CBX1: variants seen among roughly 807,000 people sequenced by gnomAD.
CBX1 encodes chromobox protein homolog 1.
Under a neutral mutation model 25.1 loss-of-function variants are expected in CBX1, and 10 were observed. The ratio of observed to expected loss-of-function variants is 0.40; its 90% confidence interval spans 0.25 to 0.68. The LOEUF is 0.68. CBX1 is among the 30% of genes least tolerant of loss of function. The pLI is 0.40. For missense variants in CBX1, 106 were observed against 218.5 expected, an observed-to-expected ratio of 0.49 and a Z score of 3.25; for synonymous variants, 63 against 79.4, an observed-to-expected ratio of 0.79 and a Z score of 1.10.
rs1194143235 is a variant in CBX1, at chr17:48,070,091, T to G, written c.*1344A>C. ...TCTATAGTTTTATTAAGACAAAAAC[T>G]GACAATGTAGTATGAAGTTTACATT... On this transcript the variant is annotated 3_prime_UTR_variant, in exon 5 of 5. Coordinates refer to ENST00000225603, the MANE Select transcript of CBX1 (RefSeq NM_001127228.2). 3 of 152,652 alleles carry G rather than the reference T, an allele frequency of 2.0e-5. No homozygotes were observed. The highest frequency in any genetic ancestry group is 4.4e-5 in the Non-Finnish European group (3 of 68,050). 9.5% of individuals were successfully genotyped at this position (152,652 alleles called of 1,614,324 possible). A position where few individuals can be genotyped will look rare whatever the true frequency, so the allele number is the denominator to read the frequency against.
chr17:48,073,164 T>C (rs1422589566), intron 4 of CBX1, among the ~76,000 whole-genome samples: 1 of 151,810 alleles, frequency 6.6e-6, no homozygotes, highest in Non-Finnish European at 1.5e-5. Context: ...TTATTAGGAA[T>C]GTCCTAGACA....
intron 1 of CBX1, among the ~76,000 whole-genome samples, chr17:48,085,793 C>T (rs553974076): frequency 3.9e-5 from 6 of 152,216 alleles, no homozygotes; most frequent in South Asian, 4.2e-4. Flanking sequence ...AGGCCAGGCG[C>T]GGTGGCTCAC....
chr17:48,099,956 C>G (rs1040226319), intron 1 of CBX1, among the ~76,000 whole-genome samples: 3 of 151,546 alleles, frequency 2.0e-5, no homozygotes, highest in African/African-American at 7.3e-5. Flanking sequence ...GTGACCAGTA[C>G]GGTGAAACCC....
chr17:48,096,265 T>A (rs980005220), intron 1 of CBX1: 7 of 701,072 alleles, frequency 1.0e-5, no homozygotes, highest in Non-Finnish European at 1.2e-5. Flanking sequence ...ATTTTGAATT[T>A]TATCTGAGAT....
At chr17:48,095,118 C>T (rs2063366854) in intron 1 of CBX1, among the ~76,000 whole-genome samples, 1 of 152,068 alleles carries the variant, frequency 6.6e-6, no homozygotes, top group South Asian at 2.1e-4. Context: ...CCTATCCATT[C>T]TTCAAGACCC....
At chr17:48,082,501 C>CAAAAAAAAAAAAA (rs572999255) in intron 1 of CBX1, among the ~76,000 whole-genome samples, 1 of 53,754 alleles carries the variant, frequency 1.9e-5, no homozygotes, top group African/African-American at 7.9e-5. Flanking sequence ...GACTCCATCT[C>CAAAAAAAAAAAAA]AAAAAAAAAA....
At chr17:48,080,995 A>ATATATATATAT (rs1567765634) in intron 1 of CBX1, among the ~76,000 whole-genome samples, 2 of 74,908 alleles carry the variant, frequency 2.7e-5, no homozygotes, top group Admixed American at 1.4e-4. Context: ...TATATATATA[A>ATATATATATAT]AATTTGTCTT....
chr17:48,077,183 T>G, intron 1 of CBX1, 142 bp from the exon 2 acceptor site: 1 of 594,736 alleles, frequency 1.7e-6, no homozygotes, highest in Non-Finnish European at 2.7e-6. Context: ...CTTCTCACAC[T>G]CGATACAAAA....
chr17:48,075,230 T>A (rs2037663743), intron 3 of CBX1, 130 bp from the exon 4 acceptor site: 1 of 645,982 alleles, frequency 1.5e-6, no homozygotes. Context: ...AATCTCACTC[T>A]GTCGCCCAGG....
chr17:48,097,124 G>A (rs534521139), intron 1 of CBX1, among the ~76,000 whole-genome samples: 3 of 151,548 alleles, frequency 2.0e-5, no homozygotes, highest in East Asian at 4.0e-4. Flanking sequence ...GTGGTGGCAG[G>A]CGCCTGTAAT....
At chr17:48,092,583 A>T (rs574030329) in intron 1 of CBX1, among the ~76,000 whole-genome samples, 2 of 151,348 alleles carry the variant, frequency 1.3e-5, no homozygotes, top group South Asian at 4.2e-4. Flanking sequence ...CCTCCTGAGT[A>T]ACTGGGATTA....
Sources: gnomAD v4.1 joint callset for allele counts (sites outside exome capture counted in the v4.1 genomes callset) on GRCh38, gnomAD v4.1.1 for gene constraint, MANE v1.5 for transcripts, NCBI Gene and HGNC (gene_info 2026-07-23, HGNC 2026-07-21) for gene names.